The following PIP5K1B variants were observed in gnomAD, a reference collection of about 807,000 sequenced individuals.
PIP5K1B encodes phosphatidylinositol 4-phosphate 5-kinase type-1 beta.
Under a neutral mutation model 67.0 loss-of-function variants are expected in PIP5K1B, and 42 were observed. The observed-to-expected ratio is 0.63, with a 90% confidence interval of 0.49 to 0.81. PIP5K1B has a LOEUF of 0.81. PIP5K1B is among the 30% of genes least tolerant of loss of function. The probability of loss-of-function intolerance (pLI) is 0.00; values close to 1 mark genes in which losing one functional copy is unlikely to be tolerated. For synonymous variants in PIP5K1B, 214 were observed against 231.4 expected (o/e 0.92, Z 0.68); for missense variants, 459 against 646.3 (o/e 0.71, Z 3.14).
chr9:68,940,777 C>G lies in PIP5K1B; in HGVS notation c.1489C>G (p.Leu497Val), dbSNP rs1827519528. 2 of 1,613,900 alleles carry G rather than the reference C, an allele frequency of 1.2e-6. No homozygotes were observed. The highest frequency in any genetic ancestry group is 2.7e-5 in the African/African-American group (2 of 75,030). The change falls in exon 14 of 16, where the codon CTC (leucine) becomes GTC (valine). Residue 497 changes from leucine to valine, a missense_variant. Leu to Val is a conservative substitution (Grantham distance 32). Around this residue, in one of 2 missense-constraint regions of PIP5K1B, gnomAD observed 169 missense variants for 171.9 expected, o/e 0.98. Coordinates refer to ENST00000265382, the MANE Select transcript of PIP5K1B (RefSeq NM_003558.4). ...NEHYPHDRPTLYSNSKGLPSS... is the reference protein window; with the variant it reads ...NEHYPHDRPTVYSNSKGLPSS... ...GCACTATCCACACGACAGGCCTACA[C>G]TCTATTCAAACAGGTAATACTTAGT...
At position 68,808,531 on chromosome 9, in the gene PIP5K1B, A is replaced by G. The variant is rs117400698; in HGVS notation, c.-85-9930A>G. Among the ~76,000 whole-genome samples, 74 of 152,318 alleles carry G rather than the reference A, an allele frequency of 4.9e-4. 2 individuals are homozygous for G. In the East Asian group the frequency reaches 0.013, roughly 28 times the overall value. Reference sequence around the variant, plus strand: ...TTTTTCATGAAAGGCTGTGAGTTACATTGGTCTGAAAGCAACACATCCGTC... The same window carrying G: ...TTTTTCATGAAAGGCTGTGAGTTACGTTGGTCTGAAAGCAACACATCCGTC... On this transcript the variant is annotated intron_variant, in intron 2 of 15. Coordinates refer to ENST00000265382, the MANE Select transcript of PIP5K1B (RefSeq NM_003558.4).
At chr9:68,725,967 T>C (rs961051063) in intron 1 of PIP5K1B, among the ~76,000 whole-genome samples, 1 of 152,254 alleles carries the variant, frequency 6.6e-6, no homozygotes, top group African/African-American at 2.4e-5. Flanking sequence ...TACTTGGTGC[T>C]GCCCATTTAG....
chr9:68,761,649 T>G (rs1032485435), intron 2 of PIP5K1B, among the ~76,000 whole-genome samples: 1 of 152,128 alleles, frequency 6.6e-6, no homozygotes, highest in Admixed American at 6.6e-5. Context: ...CTGCATTCCT[T>G]GGCTTATGGC....
At position 69,008,498 on chromosome 9, in the gene PIP5K1B, A is replaced by G. The variant is rs746581799; in HGVS notation, c.*49A>G. On this transcript the variant is annotated 3_prime_UTR_variant, in exon 16 of 16. Transcript: ENST00000265382. ...ACATGGATGAGACGTGAGCACAGTT[A>G]TGGCAGAGAAGTTTCTCCGCACCAG... is the stretch of plus-strand genomic sequence containing the variant. 7 of 1,598,534 alleles carry G rather than the reference A, an allele frequency of 4.4e-6. No homozygotes were observed. Among genetic ancestry groups the G allele is most frequent in the Non-Finnish European group, 5.1e-6 (6 of 1,165,790 alleles).
At chr9:68,760,110 C>T (rs934639569) in intron 2 of PIP5K1B, among the ~76,000 whole-genome samples, 7 of 151,996 alleles carry the variant, frequency 4.6e-5, no homozygotes, top group Admixed American at 3.3e-4. Context: ...CAATATAAAA[C>T]AATTTTGGTG....
At chr9:68,953,653 CA>C (rs1343148185) in intron 14 of PIP5K1B, among the ~76,000 whole-genome samples, 1 of 151,314 alleles carries the variant, frequency 6.6e-6, no homozygotes, top group South Asian at 2.1e-4. Context: ...CCCATCCCTA[CA>C]AAAAAAATTA....
chr9:68,985,725 A>G (rs1830070206), intron 14 of PIP5K1B, among the ~76,000 whole-genome samples: 1 of 152,148 alleles, frequency 6.6e-6, no homozygotes, highest in Admixed American at 6.5e-5. Context: ...ACGGGCCTGC[A>G]CTCACAGTCT....
chr9:68,858,773 TGTTGACATGA>T (rs1822909918), intron 4 of PIP5K1B, among the ~76,000 whole-genome samples: 1 of 152,230 alleles, frequency 6.6e-6, no homozygotes, highest in African/African-American at 2.4e-5. Context: ...GGAAAAATGC[TGTTGACATGA>T]AATGTTTTAA....
intron 14 of PIP5K1B, among the ~76,000 whole-genome samples, chr9:68,979,683 C>G (rs926806181): frequency 6.6e-6 from 1 of 152,176 alleles, no homozygotes; most frequent in South Asian, 2.1e-4. Context: ...TGGAAACACA[C>G]TGTTTGAGTC....
chr9:68,962,340 C>A (rs183758200), intron 14 of PIP5K1B, among the ~76,000 whole-genome samples: 42 of 152,272 alleles, frequency 2.8e-4, no homozygotes, highest in African/African-American at 9.6e-4. Context: ...GTAGAAAAAT[C>A]AATCCTCTCT....
intron 1 of PIP5K1B, among the ~76,000 whole-genome samples, chr9:68,718,046 G>A (rs1192044735): frequency 6.6e-6 from 1 of 152,182 alleles, no homozygotes; most frequent in East Asian, 1.9e-4. Flanking sequence ...TGCCTATGAT[G>A]TGTGTCAGCC....
Position 68,710,439 on chromosome 9 carries a change from G to A in PIP5K1B, c.-243+4677G>A, listed in dbSNP as rs551084002. Among the ~76,000 whole-genome samples, 36 of 152,104 alleles carry A rather than the reference G, an allele frequency of 2.4e-4. 1 individual carries two copies. The East Asian group carries it at 6.0e-3, about 25-fold the overall frequency. The stretch of plus-strand genomic sequence containing the variant: ...GATGAAATTTTTGGGGTACTGTGTC[G>A]TAAACAATCAGCTGCTATTGACAGA... On this transcript the variant is annotated intron_variant, in intron 1 of 15. Transcript: ENST00000265382.
At chr9:68,759,771 T>G (rs1587400922) in intron 2 of PIP5K1B, among the ~76,000 whole-genome samples, 1 of 152,234 alleles carries the variant, frequency 6.6e-6, no homozygotes, top group East Asian at 1.9e-4. Context: ...GGAATCTCAT[T>G]ACTTTTTATA....
At position 68,833,416 on chromosome 9, in the gene PIP5K1B, A is replaced by T. The variant is rs190956606; in HGVS notation, c.69+10733A>T. On this transcript the variant is annotated intron_variant, in intron 4 of 15. Transcript: ENST00000265382. ...AGGAACTGAGGTGGAGGCCAGTGTG[A>T]TGCAAGGTTCTGAGCAGGGAAGAGT... is the stretch of plus-strand genomic sequence containing the variant. 2.4e-3 allele frequency among the ~76,000 whole-genome samples: 364 copies of T among 152,346 alleles called. 2 individuals carry two copies. Among genetic ancestry groups the T allele is most frequent in the South Asian group, 0.011 (52 of 4,832 alleles).
At chr9:68,885,856 C>T (rs1004282163) in intron 6 of PIP5K1B, among the ~76,000 whole-genome samples, 5 of 152,270 alleles carry the variant, frequency 3.3e-5, no homozygotes, top group Middle Eastern at 3.4e-3. Flanking sequence ...TAAAATTAAA[C>T]AAATCATTAT....
intron 2 of PIP5K1B, among the ~76,000 whole-genome samples, chr9:68,778,940 G>A (rs1831067298): frequency 6.6e-6 from 1 of 152,092 alleles, no homozygotes; most frequent in Non-Finnish European, 1.5e-5. Context: ...ACTGCTTCTT[G>A]TCATTTAGAT....
chr9:68,985,903 AT>A (rs1464820590), intron 14 of PIP5K1B, among the ~76,000 whole-genome samples: 2 of 152,212 alleles, frequency 1.3e-5, no homozygotes, highest in Non-Finnish European at 2.9e-5. Flanking sequence ...ACTTGGCATA[AT>A]GTTTTCAAGG....
intron 2 of PIP5K1B, chr9:68,788,303 C>T (rs907140506): frequency 8.7e-6 from 6 of 687,230 alleles, no homozygotes; most frequent in Admixed American, 2.4e-5. Flanking sequence ...TGCAGACTCT[C>T]CCTTCAGGTT....
chr9:68,911,315 G>A (rs943002735), intron 8 of PIP5K1B, among the ~76,000 whole-genome samples: 1 of 150,526 alleles, frequency 6.6e-6, no homozygotes, highest in Non-Finnish European at 1.5e-5. Flanking sequence ...GGAGGTTGCA[G>A]TGAGCCGAGA....
Sources: gnomAD v4.1 joint callset for allele counts (sites outside exome capture counted in the v4.1 genomes callset) on GRCh38, gnomAD v4.1.1 for gene constraint, gnomAD v4.1.1 regional missense constraint, MANE v1.5 for transcripts, NCBI Gene and HGNC (gene_info 2026-07-23, HGNC 2026-07-21) for gene names.